The following CTNNA2 variants were observed in gnomAD, a reference collection of about 807,000 sequenced individuals.
The protein encoded by CTNNA2 is catenin alpha-2.
CTNNA2 carries 42 observed loss-of-function variants against 101.0 expected under a neutral mutation model. The ratio of observed to expected loss-of-function variants is 0.42; its 90% CI spans 0.32 to 0.54. The LOEUF is 0.54. CTNNA2 is among the 20% of genes least tolerant of loss of function. CTNNA2 has a pLI of 0.14. For synonymous variants in CTNNA2, 450 were observed against 456.4 expected, an observed-to-expected ratio of 0.99 and a Z score of 0.18; for missense variants, 871 against 1,223.1, an observed-to-expected ratio of 0.71 and a Z score of 4.29.
At chr2:80,382,884 T>C (rs1676643614) in intron 7 of CTNNA2, among the ~76,000 whole-genome samples, 1 of 152,242 alleles carries the variant, frequency 6.6e-6, no homozygotes, top group African/African-American at 2.4e-5. Context: ...ATGGAACTTT[T>C]AATTTCATTG....
intron 7 of CTNNA2, among the ~76,000 whole-genome samples, chr2:80,359,488 G>A (rs1363332938): frequency 6.6e-6 from 1 of 152,094 alleles, no homozygotes; most frequent in East Asian, 1.9e-4. Flanking sequence ...TCATGAATGG[G>A]TTTAGCACCC....
chr2:80,351,178 G>A (rs1431693820), intron 7 of CTNNA2, among the ~76,000 whole-genome samples: 3 of 152,034 alleles, frequency 2.0e-5, no homozygotes, highest in South Asian at 2.1e-4. Flanking sequence ...ACATACACAC[G>A]CACAGACATA....
intron 6 of CTNNA2, among the ~76,000 whole-genome samples, chr2:79,893,220 A>T (rs997374946): frequency 6.6e-6 from 1 of 152,184 alleles, no homozygotes; most frequent in Non-Finnish European, 1.5e-5. Context: ...GTCCTCCTTC[A>T]GCCCGTTTTC....
At chr2:79,528,545 G>C (rs946983049) in intron 1 of CTNNA2, among the ~76,000 whole-genome samples, 4 of 151,984 alleles carry the variant, frequency 2.6e-5, no homozygotes, top group Admixed American at 2.6e-4. Context: ...ACTTTAAAAT[G>C]GTAAATATTG....
At chr2:80,298,194 C>G (rs567431502) in intron 7 of CTNNA2, 1 of 151,756 alleles carries the variant, frequency 6.6e-6, no homozygotes, top group Non-Finnish European at 1.5e-5. Flanking sequence ...CATTCTAAAC[C>G]TATCTCAAAA....
intron 3 of CTNNA2, among the ~76,000 whole-genome samples, chr2:79,339,427 T>G (rs1388820429): frequency 6.6e-6 from 1 of 152,094 alleles, no homozygotes; most frequent in Non-Finnish European, 1.5e-5. Flanking sequence ...ATATACATAT[T>G]AAGGGAAGGC....
intron 7 of CTNNA2, among the ~76,000 whole-genome samples, chr2:80,220,132 T>G (rs562496884): frequency 6.6e-6 from 1 of 152,336 alleles, no homozygotes; most frequent in East Asian, 1.9e-4. Flanking sequence ...GGATACTGAC[T>G]GCAGTTCTTC....
At chr2:79,319,476 A>G (rs1414576271) in intron 3 of CTNNA2, among the ~76,000 whole-genome samples, 1 of 151,964 alleles carries the variant, frequency 6.6e-6, no homozygotes, top group Non-Finnish European at 1.5e-5. Context: ...CTAAAGCCAC[A>G]TTTTTACTGC....
intron 7 of CTNNA2, among the ~76,000 whole-genome samples, chr2:80,268,066 A>G (rs1673154569): frequency 6.6e-6 from 1 of 152,240 alleles, no homozygotes; most frequent in Non-Finnish European, 1.5e-5. Flanking sequence ...AGGGGCTGTA[A>G]GCCCACAGAG....
chr2:79,260,385 G>A (rs573655561), intron 2 of CTNNA2, among the ~76,000 whole-genome samples: 2 of 152,166 alleles, frequency 1.3e-5, no homozygotes, highest in East Asian at 3.9e-4. Flanking sequence ...AATTCTTCTG[G>A]CTCTGTTTGC....
intron 7 of CTNNA2, among the ~76,000 whole-genome samples, chr2:80,219,692 A>T (rs1339676859): frequency 6.6e-6 from 1 of 152,100 alleles, no homozygotes; most frequent in Non-Finnish European, 1.5e-5. Flanking sequence ...AAAGGGTTTG[A>T]TTAACAAAAA....
chr2:79,821,353 T>C (rs1452528127), intron 3 of CTNNA2, among the ~76,000 whole-genome samples: 1 of 152,134 alleles, frequency 6.6e-6, no homozygotes, highest in Non-Finnish European at 1.5e-5. Flanking sequence ...GGACTACAGC[T>C]GTGCATCACC....
chr2:79,701,472 T>G (rs1684997388), intron 2 of CTNNA2, among the ~76,000 whole-genome samples: 1 of 152,148 alleles, frequency 6.6e-6, no homozygotes, highest in Non-Finnish European at 1.5e-5. Flanking sequence ...TAGTCATGCA[T>G]TCAACAATAT....
In CTNNA2 at chr2:79,554,724, A is replaced by G. The variant is rs535747288; in HGVS notation, c.-6+41517A>G. 5.3e-5 allele frequency among the ~76,000 whole-genome samples: 8 copies of G among 152,302 alleles called. No individual in the cohort carries two copies. In the South Asian group the frequency reaches 1.7e-3, roughly 32 times the overall value. ...AACATCAAATTGTGCTAGACACTCT[A>G]TTAAATTAATCCTGTTCTCAAAACA... On this transcript the variant is annotated intron_variant, in intron 1 of 18. Coordinates refer to ENST00000402739, the MANE Select transcript of CTNNA2 (RefSeq NM_001282597.3).
At chr2:79,804,006 A>C (rs910090796) in intron 3 of CTNNA2, among the ~76,000 whole-genome samples, 1 of 152,244 alleles carries the variant, frequency 6.6e-6, no homozygotes, top group Non-Finnish European at 1.5e-5. Context: ...GCAGCTGGCC[A>C]TGTGGTAGTT....
At chr2:80,563,795 C>G (rs1305923118) in intron 12 of CTNNA2, among the ~76,000 whole-genome samples, 1 of 152,148 alleles carries the variant, frequency 6.6e-6, no homozygotes, top group Non-Finnish European at 1.5e-5. Context: ...ACCTGTTACT[C>G]TTATTATCTG....
At chr2:79,973,952 G>GTTTGC (rs1553418492) in intron 7 of CTNNA2, among the ~76,000 whole-genome samples, 68 of 151,362 alleles carry the variant, frequency 4.5e-4, no homozygotes, top group Non-Finnish European at 1.2e-4. Flanking sequence ...TTGTTTGTTT[G>GTTTGC]TTTGTTTTGT....
At chr2:80,636,242 T>A (rs1672869292) in intron 18 of CTNNA2, among the ~76,000 whole-genome samples, 1 of 152,112 alleles carries the variant, frequency 6.6e-6, no homozygotes, top group South Asian at 2.1e-4. Context: ...TGGGAATTTA[T>A]TGGTAGACTT....
intron 7 of CTNNA2, among the ~76,000 whole-genome samples, chr2:80,200,452 A>C (rs1243145087): frequency 6.6e-6 from 1 of 152,154 alleles, no homozygotes; most frequent in Non-Finnish European, 1.5e-5. Context: ...ACTACTTTGT[A>C]TGAGAATAGT....
Sources: allele counts gnomAD v4.1 joint callset (sites outside exome capture counted in the v4.1 genomes callset), GRCh38; gene constraint gnomAD v4.1.1; transcripts MANE v1.5; gene names NCBI Gene and HGNC (gene_info 2026-07-23, HGNC 2026-07-21).